Variants in GOLGA8R observed in about 807,000 individuals in gnomAD.
The protein encoded by GOLGA8R is golgin A8 family member R, also known as golgin subfamily A member 8R.
GOLGA8R carries 6 observed loss-of-function variants against 21.4 expected under a neutral mutation model. The observed-to-expected ratio is 0.28, with a 90% CI of 0.15 to 0.55. The LOEUF (loss-of-function observed/expected upper bound fraction) is 0.55, where lower values mean the gene tolerates loss of function less well. Ranked by LOEUF, GOLGA8R falls within the 20% of genes least tolerant of loss-of-function variation. GOLGA8R has a pLI of 0.94. For missense variants in GOLGA8R, 41 were observed against 139.9 expected (o/e 0.29, Z 3.57); for synonymous variants, 8 against 49.3 (o/e 0.16, Z 3.51).
At chr15:30,407,734 GAC>G (rs2059094890) in intron 11 of GOLGA8R, among the ~76,000 whole-genome samples, 172 bp downstream of exon 11, 1 of 152,074 alleles carries the variant, frequency 6.6e-6, no homozygotes. Flanking sequence ...TGCTGATGGG[GAC>G]ACTGAGACAC....
Position 30,400,762 on chromosome 15 carries a change from A to G in GOLGA8R, c.*2978T>C, listed in dbSNP as rs1345715382. ...TCTTTCTCTGCTTTTCGTTCCCACC[A>G]TTTCTTTCTTTTATACTACAGTATT... On this transcript the variant is annotated 3_prime_UTR_variant, in exon 19 of 19. Coordinates refer to ENST00000327271, the MANE Select transcript of GOLGA8R (RefSeq NM_001282484.1). 7.3e-5 allele frequency among the ~76,000 whole-genome samples: 4 copies of G among 54,742 alleles called. 2 individuals are homozygous for G. The highest frequency in any genetic ancestry group is 1.1e-3 in the South Asian group (2 of 1,828). The allele number at this position is 54,742 out of a possible 152,430, so 35.9% of individuals were successfully genotyped here.
rs1376560231 is a variant in GOLGA8R at position 30,403,048 on chromosome 15, C to G, written c.*692G>C. ...ACACTGCTAATTCCTGGCACCGGAA[C>G]AGATGAAACACACTCTATCCTGCAC... On this transcript the variant is annotated 3_prime_UTR_variant, in exon 19 of 19. Transcript: ENST00000327271. Among the ~76,000 whole-genome samples the G allele has an allele frequency of 2.6e-4, 34 of 130,214 alleles. 4 individuals are homozygous for G. The highest frequency in any genetic ancestry group is 1.0e-3 in the African/African-American group (34 of 34,050). The allele number at this position is 130,214 out of a possible 152,430, so 85.4% of individuals were successfully genotyped here.
chr15:30,408,079 C>G, intron 10 of GOLGA8R, 87 bp from the exon 11 acceptor site: 1 of 1,068,874 alleles, frequency 9.4e-7, no homozygotes, highest in East Asian at 2.5e-5. Context: ...CCCACCCCCA[C>G]AAAGCCCAGA....
intron 2 of GOLGA8R, chr15:30,411,935 T>C (rs1276951305): frequency 8.0e-5 from 14 of 174,900 alleles, no homozygotes; most frequent in South Asian, 4.2e-4. Context: ...CTTTTTTTTT[T>C]TTTGAGACAG....
rs2059058115 is a variant in GOLGA8R, at chr15:30,403,248, A to G, written c.*492T>C. 2.9e-5 allele frequency among the ~76,000 whole-genome samples: 2 copies of G among 68,402 alleles called. No individual in the cohort carries two copies. The highest frequency in any genetic ancestry group is 5.8e-5 in the African/African-American group (1 of 17,216). The allele number at this position is 68,402 out of a possible 152,430, so 44.9% of individuals were successfully genotyped here. A position where few individuals can be genotyped will look rare whatever the true frequency, so the allele number is the denominator to read the frequency against. On this transcript the variant is annotated 3_prime_UTR_variant, in exon 19 of 19. Coordinates refer to ENST00000327271, the MANE Select transcript of GOLGA8R (RefSeq NM_001282484.1). ...AGTGGCGTATTACAAAGTAATAAAC[A>G]GTGCACACTTGGGGGCAAACTACAT...
chr15:30,408,139 A>T (rs2059103576), intron 10 of GOLGA8R, 49 bp downstream of exon 10: 1 of 1,010,210 alleles, frequency 9.9e-7, no homozygotes, highest in African/African-American at 1.6e-5. Flanking sequence ...ATGCCCAGAA[A>T]GATCCAGTGA....
intron 11 of GOLGA8R, among the ~76,000 whole-genome samples, 174 bp from the exon 12 acceptor site, chr15:30,407,705 G>A (rs867321276): frequency 7.2e-5 from 11 of 152,226 alleles, no homozygotes; most frequent in Admixed American, 2.0e-4. Flanking sequence ...ACTGCGGGTG[G>A]CTGACAACGG....
chr15:30,412,007 C>T (rs1419556103), intron 2 of GOLGA8R: 1 of 126,568 alleles, frequency 7.9e-6, no homozygotes, highest in Non-Finnish European at 1.5e-5. Flanking sequence ...CAAGCTCCAC[C>T]TCCCAGGTTC....
At position 30,403,133 on chromosome 15, in the gene GOLGA8R, G is replaced by T. The variant is rs1476836643; in HGVS notation, c.*607C>A. Among the ~76,000 whole-genome samples the T allele has an allele frequency of 2.6e-5, 3 of 116,492 alleles. No individual in the cohort carries two copies. Among genetic ancestry groups the T allele is most frequent in the African/African-American group, 6.7e-5 (2 of 30,068 alleles). The allele number at this position is 116,492 out of a possible 152,430, so 76.4% of individuals were successfully genotyped here. A position where few individuals can be genotyped will look rare whatever the true frequency, so the allele number is the denominator to read the frequency against. On this transcript the variant is annotated 3_prime_UTR_variant, in exon 19 of 19. Coordinates refer to ENST00000327271, the MANE Select transcript of GOLGA8R (RefSeq NM_001282484.1). ...GAGATTTAAAAAGCTCCCCCAAAAG[G>T]TTATCACTCCCATCACCAATACACA...
At position 30,400,917 on chromosome 15, in the gene GOLGA8R, T is replaced by C. The variant is rs1188560325; in HGVS notation, c.*2823A>G. 6.3e-5 allele frequency among the ~76,000 whole-genome samples: 4 copies of C among 63,940 alleles called. No homozygotes were observed. The highest frequency in any genetic ancestry group is 1.5e-4 in the Non-Finnish European group (4 of 26,132). The allele number at this position is 63,940 out of a possible 152,430, so 41.9% of individuals were successfully genotyped here. On this transcript the variant is annotated 3_prime_UTR_variant, in exon 19 of 19. Coordinates refer to ENST00000327271, the MANE Select transcript of GOLGA8R (RefSeq NM_001282484.1). ...ATATTATGGATAGGGCTGATTTACA[T>C]TTTCAAATTTTCTAAAATCAGCTTT...
chr15:30,403,140 C>T lies in GOLGA8R; in HGVS notation c.*600G>A, dbSNP rs952135668. Among the ~76,000 whole-genome samples, 8 of 114,694 alleles carry T rather than the reference C, an allele frequency of 7.0e-5. 1 individual carries two copies. The highest frequency in any genetic ancestry group is 4.5e-4 in the Admixed American group (5 of 11,110). 75.2% of individuals were successfully genotyped at this position (114,694 alleles called of 152,430 possible). A position where few individuals can be genotyped will look rare whatever the true frequency, so the allele number is the denominator to read the frequency against. ...AAAAAGCTCCCCCAAAAGGTTATCACTCCCATCACCAATACACAGAAAATG... is the reference window on the plus strand; with the variant it reads ...AAAAAGCTCCCCCAAAAGGTTATCATTCCCATCACCAATACACAGAAAATG... On this transcript the variant is annotated 3_prime_UTR_variant, in exon 19 of 19. Transcript: ENST00000327271.
At chr15:30,411,911 C>G (rs1348112523) in intron 2 of GOLGA8R, 1 of 151,468 alleles carries the variant, frequency 6.6e-6, no homozygotes, top group Non-Finnish European at 1.2e-5. Flanking sequence ...AGGCAGGATT[C>G]AAACCCAGAA....
Position 30,407,882 on chromosome 15 carries a change from C to T in GOLGA8R, c.871+26G>A, listed in dbSNP as rs757089811. ...ACAGCCCTCTGATGCCAGTCCTGCT[C>T]CCAGGTCATGCCAGCCCCATCTTAC... On this transcript the variant is annotated intron_variant, in intron 11 of 18. Transcript: ENST00000327271. 5 of 1,610,496 alleles carry T rather than the reference C, an allele frequency of 3.1e-6. No homozygotes were observed. The East Asian group carries it at 1.1e-4, about 36-fold the overall frequency.
Position 30,407,432 on chromosome 15 carries a change from T to TG in GOLGA8R, c.970dup (p.Gln324ProfsTer56), listed in dbSNP as rs1397570193. 1.2e-6 allele frequency: 1 copy of TG among 860,830 alleles called. No individual in the cohort carries two copies. The allele number at this position is 860,830 out of a possible 1,614,324, so 53.3% of individuals were successfully genotyped here. On this transcript the variant is annotated frameshift_variant, in exon 12 of 19. Coordinates refer to ENST00000327271, the MANE Select transcript of GOLGA8R (RefSeq NM_001282484.1). LOFTEE classifies it high-confidence loss of function. ...ACTTATGTGCTGATTGTTTTTGACC[T>TG]GGGACTGGAGCTCTCCTGCCACTCT...
At position 30,408,449 on chromosome 15, in the gene GOLGA8R, C is replaced by T; in HGVS notation, c.631G>A (p.Glu211Lys). The T allele has an allele frequency of 3.8e-6, 2 of 525,238 alleles. No homozygotes were observed. The highest frequency in any genetic ancestry group is 6.4e-6 in the Non-Finnish European group (2 of 314,048). 32.5% of individuals were successfully genotyped at this position (525,238 alleles called of 1,614,324 possible). ...AGTGCCTGGTCCTGTAGGGACTGCT[C>T]TAACTCCCACTCTGTATGTGCTTTG... is the stretch of plus-strand genomic sequence containing the variant. ...CSKAHTEWEL[E>K]QSLQDQALLK... The change falls in exon 9 of 19, where the codon GAG becomes AAG. Residue 211 changes from glutamate (E) to lysine (K), a missense_variant. Glu to Lys is a moderately conservative substitution (Grantham distance 56, BLOSUM62 1). Around this residue, in one of 3 missense-constraint regions of GOLGA8R, gnomAD observed 2 missense variants for 45.0 expected, o/e 0.04. Coordinates refer to ENST00000327271, the MANE Select transcript of GOLGA8R (RefSeq NM_001282484.1).
At position 30,403,068 on chromosome 15, in the gene GOLGA8R, C is replaced by T. The variant is rs1595522890; in HGVS notation, c.*672G>A. Among the ~76,000 whole-genome samples, 1 of 129,444 alleles carries T rather than the reference C, an allele frequency of 7.7e-6. No individual in the cohort carries two copies. Among genetic ancestry groups the T allele is most frequent in the Non-Finnish European group, 1.7e-5 (1 of 59,498 alleles). 84.9% of individuals were successfully genotyped at this position (129,444 alleles called of 152,430 possible). On this transcript the variant is annotated 3_prime_UTR_variant, in exon 19 of 19. Coordinates refer to ENST00000327271, the MANE Select transcript of GOLGA8R (RefSeq NM_001282484.1). ...CGGAACAGATGAAACACACTCTATC[C>T]TGCACGTACCTGCCAGAGGAGGCCA...
intron 11 of GOLGA8R, among the ~76,000 whole-genome samples, 162 bp from the exon 12 acceptor site, chr15:30,407,693 G>A (rs1323659837): frequency 1.3e-5 from 2 of 152,260 alleles, no homozygotes; most frequent in African/African-American, 4.8e-5. Context: ...CAGAGAAAGA[G>A]CACTGCGGGT....
In GOLGA8R at chr15:30,403,263, G is replaced by C. The variant is rs879911248; in HGVS notation, c.*477C>G. Reference sequence around the variant, plus strand: ...AGTAATAAACAGTGCACACTTGGGGGCAAACTACATATTGAGCTAAGGAAG... The same window carrying C: ...AGTAATAAACAGTGCACACTTGGGGCCAAACTACATATTGAGCTAAGGAAG... On this transcript the variant is annotated 3_prime_UTR_variant, in exon 19 of 19. Transcript: ENST00000327271. Among the ~76,000 whole-genome samples the C allele has an allele frequency of 6.2e-5, 4 of 64,750 alleles. No individual in the cohort carries two copies. The highest frequency in any genetic ancestry group is 9.5e-5 in the Non-Finnish European group (3 of 31,436). The allele number at this position is 64,750 out of a possible 152,430, so 42.5% of individuals were successfully genotyped here.
rs1179220645 is a variant in GOLGA8R, at chr15:30,400,956, AT to A, written c.*2783del. 1.2e-4 allele frequency among the ~76,000 whole-genome samples: 7 copies of A among 57,816 alleles called. No homozygotes were observed. Among genetic ancestry groups the A allele is most frequent in the South Asian group, 4.9e-4 (1 of 2,026 alleles). 37.9% of individuals were successfully genotyped at this position (57,816 alleles called of 152,430 possible). ...AAAATCAGCTTTGGTTTTAGAGCTG[AT>A]TTTTTTTTTCATTTCTGGAAAATTA... On this transcript the variant is annotated 3_prime_UTR_variant, in exon 19 of 19. Coordinates refer to ENST00000327271, the MANE Select transcript of GOLGA8R (RefSeq NM_001282484.1).
Sources: allele counts gnomAD v4.1 joint callset (sites outside exome capture counted in the v4.1 genomes callset), GRCh38; gene constraint gnomAD v4.1.1; regional missense constraint gnomAD v4.1.1; transcripts MANE v1.5; gene names NCBI Gene and HGNC (gene_info 2026-07-23, HGNC 2026-07-21).